Variants in HMCN2 observed in about 807,000 individuals in gnomAD.
The protein encoded by HMCN2 is hemicentin 2, also known as hemicentin-2.
HMCN2 carries 325 observed loss-of-function variants against 377.5 expected under a neutral mutation model. That is an observed-to-expected ratio of 0.86 (90% confidence interval 0.79 to 0.94). The LOEUF is 0.94. Among genes scored for constraint, HMCN2 ranks in the 40% least tolerant of loss-of-function variants. The probability of loss-of-function intolerance (pLI) is 0.00; values close to 1 mark genes in which losing one functional copy is unlikely to be tolerated. For synonymous variants in HMCN2, 2,007 were observed against 2,046.8 expected (o/e 0.98, Z 0.53); for missense variants, 4,543 against 4,725.3 (o/e 0.96, Z 1.13).
intron 23 of HMCN2, among the ~76,000 whole-genome samples, chr9:130,340,807 C>T (rs906105757): frequency 6.6e-6 from 1 of 152,210 alleles, no homozygotes; most frequent in African/African-American, 2.4e-5. Context: ...CGTGAGCCAC[C>T]GCTCCCAGCC....
At chr9:130,295,839 C>T in intron 6 of HMCN2, 67 bp downstream of exon 6, 1 of 452,478 alleles carries the variant, frequency 2.2e-6, no homozygotes, top group South Asian at 1.6e-5. Flanking sequence ...CTTCCTCCTA[C>T]TTGCCCTGGG....
rs1844657212 is a variant in HMCN2 at position 130,430,275 on chromosome 9, C to CGTCTGCAGATGTCAATGAGT, written c.14327-7_14339dup. ...ACCTGTGCACACACCTGACCCCACCCGTCTGCAGATGTCAATGAGTGCCTG... is the reference window on the plus strand; with the variant it reads ...ACCTGTGCACACACCTGACCCCACCCGTCTGCAGATGTCAATGAGTGTCTGCAGATGTCAATGAGTGCCTG... On this transcript the variant is annotated splice_polypyrimidine_tract_variant and intron_variant, in intron 94 of 97. Transcript: ENST00000683500. 1 of 1,530,912 alleles carries CGTCTGCAGATGTCAATGAGT rather than the reference C, an allele frequency of 6.5e-7. No individual in the cohort carries two copies. Among genetic ancestry groups the CGTCTGCAGATGTCAATGAGT allele is most frequent in the African/African-American group, 1.4e-5 (1 of 73,004 alleles). The allele number at this position is 1,530,912 out of a possible 1,614,324, so 94.8% of individuals were successfully genotyped here.
chr9:130,388,257 CA>C (rs1170705754), intron 61 of HMCN2, among the ~76,000 whole-genome samples, 151 bp from the exon 62 acceptor site: 1 of 152,216 alleles, frequency 6.6e-6, no homozygotes, highest in Admixed American at 6.5e-5. Context: ...TTAAAATAGC[CA>C]GGCACTGGTT....
chr9:130,386,639 G>A lies in HMCN2; in HGVS notation c.9391+115G>A, dbSNP rs532105183. 2.9e-5 allele frequency: 14 copies of A among 477,988 alleles called. No homozygotes were observed. In the South Asian group the frequency reaches 3.0e-4, roughly 10 times the overall value. 29.6% of individuals were successfully genotyped at this position (477,988 alleles called of 1,614,324 possible). ...GAGGCAGTGCTGCCAAGTGCTGAAG[G>A]CACAATGACTAGAATTTGTGTACCT... On this transcript the variant is annotated intron_variant, in intron 61 of 97. Coordinates refer to ENST00000683500, the MANE Select transcript of HMCN2 (RefSeq NM_001291815.2).
chr9:130,413,991 C>CAAAAAAAA (rs33963612), intron 85 of HMCN2, among the ~76,000 whole-genome samples: 1 of 137,084 alleles, frequency 7.3e-6, no homozygotes, highest in Non-Finnish European at 1.6e-5. Context: ...ACCAAAAATA[C>CAAAAAAAA]AAAAAAAAAA....
intron 62 of HMCN2, among the ~76,000 whole-genome samples, chr9:130,390,188 C>T (rs930576909): frequency 2.6e-5 from 4 of 152,220 alleles, no homozygotes; most frequent in Non-Finnish European, 5.9e-5. Flanking sequence ...CTGCTCCCCC[C>T]GGCTGACTAC....
Position 130,354,900 on chromosome 9 carries a change from G to T in HMCN2, c.5002G>T (p.Ala1668Ser), listed in dbSNP as rs1285649141. The T allele has an allele frequency of 7.7e-7, 1 of 1,304,152 alleles. No individual in the cohort carries two copies. The highest frequency in any genetic ancestry group is 5.5e-5 in the East Asian group (1 of 18,044). The allele number at this position is 1,304,152 out of a possible 1,614,324, so 80.8% of individuals were successfully genotyped here. A position where few individuals can be genotyped will look rare whatever the true frequency, so the allele number is the denominator to read the frequency against. Residue 1668 changes from alanine to serine, a missense_variant, in exon 32 of 98, where the codon GCA becomes TCA. Coordinates refer to ENST00000683500, the MANE Select transcript of HMCN2 (RefSeq NM_001291815.2). The part of the protein sequence containing the change: ...LSWHHEGLPV[A>S]ESNESRLETD... The stretch of plus-strand genomic sequence containing the variant: ...CTGGCACCACGAGGGGCTGCCCGTG[G>T]CAGAGAGCAACGAGTCGCGGCTGGA...
chr9:130,397,439 G>T, intron 73 of HMCN2, 89 bp from the exon 74 acceptor site: 1 of 1,180,902 alleles, frequency 8.5e-7, no homozygotes, highest in South Asian at 1.4e-5. Context: ...CTGGGAAAGT[G>T]GGGGCAGAGG....
rs1334333285 is a variant in HMCN2 at position 130,425,733 on chromosome 9, T to G, written c.13688T>G (p.Val4563Gly). The change falls in exon 90 of 98, where the codon GTG becomes GGG. Residue 4563 changes from valine (V) to glycine (G), a missense_variant. Physicochemically the swap from Val to Gly is moderately radical, Grantham distance 109. Around this residue, in one of 5 missense-constraint regions of HMCN2, gnomAD observed 1,155 missense variants for 1,157.7 expected, o/e 1.00. Coordinates refer to ENST00000683500, the MANE Select transcript of HMCN2 (RefSeq NM_001291815.2). Reference protein sequence around the residue: ...YVQTGPGQLFVGSTQRFFQGG... With the variant: ...YVQTGPGQLFGGSTQRFFQGG... Reference sequence around the variant, plus strand: ...CAAACAGGGCCTGGCCAGCTGTTCGTGGGCTCCACACAGCGCTTCTTCCAG... The same window carrying G: ...CAAACAGGGCCTGGCCAGCTGTTCGGGGGCTCCACACAGCGCTTCTTCCAG... 2.6e-6 allele frequency: 4 copies of G among 1,548,308 alleles called. No individual in the cohort carries two copies. Among genetic ancestry groups the G allele is most frequent in the Non-Finnish European group, 3.5e-6 (4 of 1,145,830 alleles).
chr9:130,420,481 A>G (rs1028423814), intron 86 of HMCN2, among the ~76,000 whole-genome samples: 1 of 152,112 alleles, frequency 6.6e-6, no homozygotes, highest in African/African-American at 2.4e-5. Context: ...AAAACAAAAC[A>G]AAACAAAACA....
At chr9:130,283,130 A>G (rs559771820) in intron 1 of HMCN2, among the ~76,000 whole-genome samples, 6 of 152,074 alleles carry the variant, frequency 3.9e-5, no homozygotes, top group Non-Finnish European at 7.4e-5. Flanking sequence ...ATATTTTCCT[A>G]AGAAACCTGA....
At position 130,351,606 on chromosome 9, in the gene HMCN2, C is replaced by A. The variant is rs750217836; in HGVS notation, c.4585+29C>A. ...AGCCCCCACGCCTTCTGGGACCCCG[C>A]CACAGGCTACTCAGGAAGCTTCCCA... On this transcript the variant is annotated intron_variant, in intron 30 of 97. Coordinates refer to ENST00000683500, the MANE Select transcript of HMCN2 (RefSeq NM_001291815.2). This position sits in a 1 kb window ranked among gnomAD's most constrained non-coding sequence, Gnocchi z 5.4. The A allele has an allele frequency of 3.3e-5, 43 of 1,290,632 alleles. No homozygotes were observed. The highest frequency in any genetic ancestry group is 2.6e-4 in the Admixed American group (11 of 43,114). 79.9% of individuals were successfully genotyped at this position (1,290,632 alleles called of 1,614,324 possible).
At chr9:130,297,771 T>C (rs1836248630) in intron 7 of HMCN2, among the ~76,000 whole-genome samples, 1 of 152,286 alleles carries the variant, frequency 6.6e-6, no homozygotes. Flanking sequence ...AGTTTGTTTG[T>C]TTTGCCGATA....
chr9:130,278,015 T>TCAC lies in HMCN2; in HGVS notation c.260-6578_260-6576dup, dbSNP rs1476303624. 1.8e-4 allele frequency among the ~76,000 whole-genome samples: 6 copies of TCAC among 34,210 alleles called. 2 individuals carry two copies. In the East Asian group the frequency reaches 5.7e-3, roughly 32 times the overall value. The allele number at this position is 34,210 out of a possible 152,430, so 22.4% of individuals were successfully genotyped here. On this transcript the variant is annotated intron_variant, in intron 1 of 97. Transcript: ENST00000683500. ...ATCATCACCACCACCACCATCATCA[T>TCAC]CACCACCACCACGATCATCACCACC...
chr9:130,383,358 G>C (rs1429568445), intron 56 of HMCN2, 146 bp from the exon 57 acceptor site: 1 of 188,002 alleles, frequency 5.3e-6, no homozygotes, highest in Non-Finnish European at 9.9e-6. Flanking sequence ...CAAGGCCCTG[G>C]ATGGAGGAGG....
Position 130,393,857 on chromosome 9 carries a change from G to A in HMCN2, c.10350G>A (p.Met3450Ile). 7.8e-7 allele frequency: 1 copy of A among 1,289,688 alleles called. No individual in the cohort carries two copies. Among genetic ancestry groups the A allele is most frequent in the Non-Finnish European group, 1.0e-6 (1 of 988,782 alleles). The allele number at this position is 1,289,688 out of a possible 1,614,324, so 79.9% of individuals were successfully genotyped here. Residue 3450 changes from methionine to isoleucine, a missense_variant, in exon 68 of 98, where the codon ATG becomes ATA. This residue lies in a region of HMCN2 where 1,073 missense variants were observed against 1,319.5 expected (regional missense o/e 0.81). Transcript: ENST00000683500. The surrounding 1 kb of genome is among the most constrained non-coding windows in gnomAD (Gnocchi z 5.2). ...RGVPLPLVSW[M>I]KDGEPLLSQS... ...TTCCCCTGCCTCTCGTGTCGTGGAT[G>A]AAGGATGGGGAACCCTTGTTGTCCC...
rs1193230531 is a variant in HMCN2 at position 130,398,579 on chromosome 9, C to T, written c.11355C>T (p.Ser3785=). Residue 3785 remains serine (S), a synonymous_variant, in exon 75 of 98, where the codon TCC becomes TCT. Coordinates refer to ENST00000683500, the MANE Select transcript of HMCN2 (RefSeq NM_001291815.2). ...CTCCAGCCATCGCCCCCAGCCCCTCCAACCTGACCCTGACCGCCCACACCC... is the reference window on the plus strand; with the variant it reads ...CTCCAGCCATCGCCCCCAGCCCCTCTAACCTGACCCTGACCGCCCACACCC... The part of the protein sequence containing the change: ...LEPPAIAPSP[S]NLTLTAHTPA... The T allele has an allele frequency of 1.6e-6, 2 of 1,270,216 alleles. No homozygotes were observed. The highest frequency in any genetic ancestry group is 4.7e-5 in the Admixed American group (2 of 42,532). 78.7% of individuals were successfully genotyped at this position (1,270,216 alleles called of 1,614,324 possible).
chr9:130,302,351 G>A (rs1836563611), intron 8 of HMCN2, among the ~76,000 whole-genome samples: 1 of 152,138 alleles, frequency 6.6e-6, no homozygotes, highest in Admixed American at 6.5e-5. Flanking sequence ...TGGACTGGTG[G>A]GCTCATTTTT....
In HMCN2 at chr9:130,399,608, A is replaced by G; in HGVS notation, c.11581A>G (p.Arg3861Gly). The change falls in exon 76 of 98, where the codon AGG becomes GGG. Residue 3861 changes from arginine (R) to glycine (G), a missense_variant. Transcript: ENST00000683500. ...GAGCAATGAGGTGGGCGAGGCCCAC[A>G]GGCTCTACCAGGTGACCGTCCATGG... Reference protein sequence around the residue: ...VVSNEVGEAHRLYQVTVHVPP... With the variant: ...VVSNEVGEAHGLYQVTVHVPP... The G allele has an allele frequency of 7.8e-7, 1 of 1,289,628 alleles. No homozygotes were observed. Among genetic ancestry groups the G allele is most frequent in the Non-Finnish European group, 1.0e-6 (1 of 988,672 alleles). The allele number at this position is 1,289,628 out of a possible 1,614,324, so 79.9% of individuals were successfully genotyped here. A position where few individuals can be genotyped will look rare whatever the true frequency, so the allele number is the denominator to read the frequency against.
Sources: gnomAD v4.1 joint callset for allele counts (sites outside exome capture counted in the v4.1 genomes callset) on GRCh38, gnomAD v4.1.1 for gene constraint, gnomAD v4.1.1 regional missense constraint, Gnocchi (gnomAD v3.1) non-coding constraint, MANE v1.5 for transcripts, NCBI Gene and HGNC (gene_info 2026-07-23, HGNC 2026-07-21) for gene names.